Variants in POU3F3 observed in about 807,000 individuals in gnomAD.
POU3F3 encodes POU class 3 homeobox 3.
Under a neutral mutation model 8.6 loss-of-function variants are expected in POU3F3, and 1 was observed. The ratio of observed to expected loss-of-function variants is 0.12; its 90% CI spans 0.04 to 0.55. POU3F3 has a LOEUF of 0.55. Ranked by LOEUF, POU3F3 falls within the 20% of genes least tolerant of loss-of-function variation. The probability of loss-of-function intolerance (pLI) is 0.91; values close to 1 mark genes in which losing one functional copy is unlikely to be tolerated. For missense variants in POU3F3, 577 were observed against 690.7 expected (o/e 0.84, Z 1.84); for synonymous variants, 418 against 327.4 (o/e 1.28, Z -2.99).
chr2:104,925,518 C>T, the POU3F3 span, among the ~76,000 whole-genome samples: 2 of 152,052 alleles, frequency 1.3e-5, no homozygotes, highest in Non-Finnish European at 2.9e-5. Flanking sequence ...GCCACTGGAC[C>T]AACTAAACAG....
At chr2:104,894,587 G>A in the POU3F3 span, among the ~76,000 whole-genome samples, 1 of 152,182 alleles carries the variant, frequency 6.6e-6, no homozygotes, top group Admixed American at 6.5e-5. Flanking sequence ...CCAACTGAGC[G>A]GTGTGGTCAC....
the POU3F3 span, among the ~76,000 whole-genome samples, chr2:104,879,218 GGA>G: frequency 2.0e-5 from 3 of 150,122 alleles, no homozygotes; most frequent in East Asian, 3.9e-4. Flanking sequence ...ACATACAGAT[GGA>G]GAGAGAGAGA....
At chr2:104,877,251 A>G in the POU3F3 span, among the ~76,000 whole-genome samples, 1 of 148,338 alleles carries the variant, frequency 6.7e-6, no homozygotes, top group South Asian at 2.1e-4. Flanking sequence ...TGCTTTTTCC[A>G]TTTGCAATGG....
At chr2:104,878,505 C>G in the POU3F3 span, among the ~76,000 whole-genome samples, 1 of 152,180 alleles carries the variant, frequency 6.6e-6, no homozygotes, top group Non-Finnish European at 1.5e-5. Flanking sequence ...AAGCTTGGTG[C>G]TTTTATTCCA....
At chr2:104,882,488 G>C in the POU3F3 span, among the ~76,000 whole-genome samples, 1 of 152,038 alleles carries the variant, frequency 6.6e-6, no homozygotes, top group Non-Finnish European at 1.5e-5. Flanking sequence ...CTGAGCTCAG[G>C]TGATCCACCC....
the POU3F3 span, among the ~76,000 whole-genome samples, chr2:104,923,066 G>A: frequency 6.6e-6 from 1 of 152,142 alleles, no homozygotes; most frequent in Non-Finnish European, 1.5e-5. Flanking sequence ...TAAAAGTGAG[G>A]ACTAAATTAA....
chr2:104,868,679 C>T, the POU3F3 span, among the ~76,000 whole-genome samples: 2 of 152,156 alleles, frequency 1.3e-5, no homozygotes, highest in Admixed American at 6.5e-5. Flanking sequence ...TGCCTTGGGG[C>T]CTGCTCTGAA....
the POU3F3 span, among the ~76,000 whole-genome samples, chr2:104,922,046 A>G: frequency 6.6e-6 from 1 of 152,334 alleles, no homozygotes; most frequent in African/African-American, 2.4e-5. Flanking sequence ...GTCACAGTGC[A>G]TGCTCAAGGA....
At chr2:104,900,085 G>A in the POU3F3 span, among the ~76,000 whole-genome samples, 8 of 152,230 alleles carry the variant, frequency 5.3e-5, no homozygotes, top group South Asian at 6.2e-4. Context: ...AGGGAGGGAG[G>A]TGGCCTAGGC....
chr2:104,919,932 C>T, the POU3F3 span, among the ~76,000 whole-genome samples: 1 of 152,148 alleles, frequency 6.6e-6, no homozygotes, highest in African/African-American at 2.4e-5. Context: ...ACAAACTTAT[C>T]TCTTCCTAAG....
At chr2:104,874,393 G>A in the POU3F3 span, among the ~76,000 whole-genome samples, 1 of 152,206 alleles carries the variant, frequency 6.6e-6, no homozygotes, top group Non-Finnish European at 1.5e-5. Context: ...AGAGCCAGTG[G>A]TCATGGGAGG....
At chr2:104,865,428 A>G in the POU3F3 span, 1 of 152,224 alleles carries the variant, frequency 6.6e-6, no homozygotes, top group African/African-American at 2.4e-5. Flanking sequence ...ATGTTTCTTT[A>G]TTGTAGCTAC....
At chr2:104,916,742 G>A in the POU3F3 span, among the ~76,000 whole-genome samples, 1 of 152,182 alleles carries the variant, frequency 6.6e-6, no homozygotes, top group Non-Finnish European at 1.5e-5. Context: ...GTCCCAGGTA[G>A]CAAGGATGAT....
At chr2:104,927,061 A>G in the POU3F3 span, among the ~76,000 whole-genome samples, 1 of 152,142 alleles carries the variant, frequency 6.6e-6, no homozygotes, top group African/African-American at 2.4e-5. Flanking sequence ...TATGTAACAA[A>G]CCTGCACATT....
At chr2:104,886,137 C>G in the POU3F3 span, among the ~76,000 whole-genome samples, 2 of 151,978 alleles carry the variant, frequency 1.3e-5, no homozygotes, top group Non-Finnish European at 2.9e-5. Context: ...TCACTTTACT[C>G]TAAGGACTCA....
the POU3F3 span, chr2:104,865,740 G>A: frequency 6.6e-6 from 1 of 152,204 alleles, no homozygotes; most frequent in Non-Finnish European, 1.5e-5. Flanking sequence ...GTGTGAGGGG[G>A]GCTAGCCAGA....
chr2:104,911,631 C>A, the POU3F3 span, among the ~76,000 whole-genome samples: 1 of 151,840 alleles, frequency 6.6e-6, no homozygotes, highest in Non-Finnish European at 1.5e-5. Context: ...GCCCTACATA[C>A]CCCCTGACAC....
the POU3F3 span, among the ~76,000 whole-genome samples, chr2:104,893,140 T>G: frequency 6.6e-6 from 1 of 152,198 alleles, no homozygotes; most frequent in Non-Finnish European, 1.5e-5. Flanking sequence ...AGTTAGAATT[T>G]CAGAACCCTC....
the POU3F3 span, among the ~76,000 whole-genome samples, chr2:104,882,411 C>G: frequency 2.6e-5 from 4 of 151,866 alleles, no homozygotes; most frequent in Non-Finnish European, 5.9e-5. Context: ...GCCACCATGC[C>G]CGGCTAATTT....
Sources: gnomAD v4.1 joint callset for allele counts (sites outside exome capture counted in the v4.1 genomes callset) on GRCh38, gnomAD v4.1.1 for gene constraint, MANE v1.5 for transcripts, NCBI Gene and HGNC (gene_info 2026-07-23, HGNC 2026-07-21) for gene names.